The following NKAIN3 variants were observed in gnomAD, a reference collection of about 807,000 sequenced individuals.
NKAIN3 encodes sodium/potassium transporting ATPase interacting 3.
In NKAIN3, 25 loss-of-function variants were observed where a neutral mutation model predicts 30.2. That is an observed-to-expected ratio of 0.83 (90% CI 0.60 to 1.16). The LOEUF (loss-of-function observed/expected upper bound fraction) is 1.16, where lower values mean the gene tolerates loss of function less well. Among genes scored for constraint, NKAIN3 ranks in the 50% most tolerant of loss-of-function variants. NKAIN3 has a pLI of 0.00. For missense variants in NKAIN3, 225 were observed against 254.1 expected, an observed-to-expected ratio of 0.89 and a Z score of 0.78; for synonymous variants, 91 against 89.6, an observed-to-expected ratio of 1.02 and a Z score of -0.09.
At chr8:62,596,431 G>T (rs1281961919) in intron 3 of NKAIN3, among the ~76,000 whole-genome samples, 1 of 151,930 alleles carries the variant, frequency 6.6e-6, no homozygotes, top group South Asian at 2.1e-4. Context: ...CACCTTTTTA[G>T]GTTTCTGTAC....
chr8:62,987,152 C>T (rs542945196), downstream of NKAIN3, among the ~76,000 whole-genome samples: 5 of 152,120 alleles, frequency 3.3e-5, no homozygotes, highest in Non-Finnish European at 7.4e-5. Flanking sequence ...TTTGGGAGGC[C>T]GAGGTGGCTG....
chr8:62,358,356 A>G (rs1051450076), intron 1 of NKAIN3, among the ~76,000 whole-genome samples: 7 of 151,416 alleles, frequency 4.6e-5, no homozygotes, highest in South Asian at 4.2e-4. Context: ...AGCACTGGGC[A>G]GGTCAGTTGC....
chr8:62,457,962 T>C (rs1165039734), intron 1 of NKAIN3, among the ~76,000 whole-genome samples: 1 of 152,214 alleles, frequency 6.6e-6, no homozygotes, highest in Non-Finnish European at 1.5e-5. Context: ...ATTGATTACT[T>C]ACTGATTTTC....
intron 3 of NKAIN3, among the ~76,000 whole-genome samples, chr8:62,651,660 C>T (rs906945346): frequency 2.0e-5 from 3 of 152,014 alleles, no homozygotes; most frequent in African/African-American, 7.2e-5. Context: ...GACATGTGTC[C>T]CTTCCAAATC....
chr8:62,333,536 C>T (rs996098121), intron 1 of NKAIN3, among the ~76,000 whole-genome samples: 11 of 152,016 alleles, frequency 7.2e-5, no homozygotes. Flanking sequence ...GTAATAGTCA[C>T]ATTTCTCTCG....
At chr8:62,275,949 CT>C (rs1439127896) in intron 1 of NKAIN3, among the ~76,000 whole-genome samples, 6 of 152,062 alleles carry the variant, frequency 3.9e-5, no homozygotes, top group East Asian at 1.9e-4. Context: ...CTCAGGGTAT[CT>C]TTTTTTGGTT....
At chr8:62,714,600 A>C (rs1814828862) in intron 3 of NKAIN3, among the ~76,000 whole-genome samples, 1 of 152,208 alleles carries the variant, frequency 6.6e-6, no homozygotes. Flanking sequence ...TATAAAAAAT[A>C]AAAGAATAAG....
chr8:62,739,670 C>T (rs1405744197), intron 3 of NKAIN3, among the ~76,000 whole-genome samples: 1 of 152,074 alleles, frequency 6.6e-6, no homozygotes, highest in Non-Finnish European at 1.5e-5. Flanking sequence ...TCATTGCTCC[C>T]TGAAGTGATC....
At chr8:62,692,959 C>T in intron 3 of NKAIN3, among the ~76,000 whole-genome samples, 1 of 152,198 alleles carries the variant, frequency 6.6e-6, no homozygotes, top group East Asian at 1.9e-4. Flanking sequence ...CTATGCTCCT[C>T]ATTCTCCTGT....
intron 1 of NKAIN3, among the ~76,000 whole-genome samples, chr8:62,382,489 TCTAA>T (rs1281841369): frequency 1.3e-5 from 2 of 152,138 alleles, no homozygotes; most frequent in Non-Finnish European, 2.9e-5. Context: ...ATAATTTCTG[TCTAA>T]CTTTTTGCTT....
chr8:62,826,559 A>G (rs1461995735), intron 4 of NKAIN3, among the ~76,000 whole-genome samples: 2 of 152,188 alleles, frequency 1.3e-5, no homozygotes, highest in Non-Finnish European at 2.9e-5. Flanking sequence ...TCCATTCCAT[A>G]GTAACAAGGC....
At chr8:62,679,598 A>T (rs552846355) in intron 3 of NKAIN3, among the ~76,000 whole-genome samples, 29 of 152,282 alleles carry the variant, frequency 1.9e-4, no homozygotes, top group East Asian at 1.4e-3. Context: ...GCTTCTGGGG[A>T]GGTGTCAGGA....
At chr8:62,456,544 G>A (rs946646754) in intron 1 of NKAIN3, among the ~76,000 whole-genome samples, 4 of 151,680 alleles carry the variant, frequency 2.6e-5, no homozygotes, top group African/African-American at 7.3e-5. Context: ...TAAAAATAAG[G>A]AAATCTTTCT....
At chr8:62,266,178 C>A (rs1287079100) in intron 1 of NKAIN3, among the ~76,000 whole-genome samples, 4 of 151,980 alleles carry the variant, frequency 2.6e-5, no homozygotes, top group Admixed American at 2.6e-4. Context: ...TGGCCTTACT[C>A]CATAGGAAAT....
intron 4 of NKAIN3, among the ~76,000 whole-genome samples, chr8:62,834,330 A>G (rs1355000130): frequency 6.6e-6 from 1 of 152,126 alleles, no homozygotes; most frequent in Non-Finnish European, 1.5e-5. Context: ...AGCCAGAGCA[A>G]TCAGTCAAGA....
At chr8:62,512,073 T>A (rs146459783) in intron 1 of NKAIN3, among the ~76,000 whole-genome samples, 1 of 152,302 alleles carries the variant, frequency 6.6e-6, no homozygotes, top group African/African-American at 2.4e-5. Context: ...ATAAATATAG[T>A]GCTTTTAGCA....
downstream of NKAIN3, among the ~76,000 whole-genome samples, chr8:62,988,639 G>C (rs1254698361): frequency 1.3e-5 from 2 of 152,254 alleles, no homozygotes; most frequent in Non-Finnish European, 2.9e-5. Flanking sequence ...GATGTACACA[G>C]CAGGTGGGCT....
chr8:62,346,956 A>G (rs1563943603), intron 1 of NKAIN3, among the ~76,000 whole-genome samples: 1 of 152,244 alleles, frequency 6.6e-6, no homozygotes, highest in East Asian at 1.9e-4. Context: ...AATCCTAATG[A>G]CAAGCGACAT....
intron 1 of NKAIN3, among the ~76,000 whole-genome samples, chr8:62,503,047 C>A (rs1428532539): frequency 6.6e-6 from 1 of 152,188 alleles, no homozygotes; most frequent in Non-Finnish European, 1.5e-5. Flanking sequence ...GGTGGGCTAG[C>A]ATTATCACCT....
Sources: gnomAD v4.1 joint callset for allele counts (sites outside exome capture counted in the v4.1 genomes callset) on GRCh38, gnomAD v4.1.1 for gene constraint, MANE v1.5 for transcripts, NCBI Gene and HGNC (gene_info 2026-07-23, HGNC 2026-07-21) for gene names.